The following CLCN5 variants were observed in gnomAD, a reference collection of about 807,000 sequenced individuals.
The protein encoded by CLCN5 is H(+)/Cl(-) exchange transporter 5.
A neutral mutation model predicts 54.0 loss-of-function variants in CLCN5; 17 were observed. The ratio of observed to expected loss-of-function variants is 0.31; its 90% CI spans 0.22 to 0.47. CLCN5 has a LOEUF of 0.47. Among genes scored for constraint, CLCN5 ranks in the 20% least tolerant of loss-of-function variants. The pLI is 1.00. For synonymous variants in CLCN5, 222 were observed against 233.0 expected (o/e 0.95, Z 0.43); for missense variants, 448 against 646.7 (o/e 0.69, Z 3.33).
intron 3 of CLCN5, among the ~76,000 whole-genome samples, chrX:50,009,234 G>A (rs190696903): frequency 8.9e-6 from 1 of 111,898 alleles, no homozygotes; most frequent in African/African-American, 3.2e-5. Context: ...ACCTCTTTGA[G>A]AGCATGAGCT....
intron 3 of CLCN5, among the ~76,000 whole-genome samples, chrX:49,988,932 G>C (rs1929114109): frequency 1.8e-5 from 2 of 110,667 alleles, no homozygotes; most frequent in Admixed American, 1.9e-4. Flanking sequence ...GTCCTAGCTT[G>C]GAATGCCCTG....
chrX:50,056,352 G>T (rs1046426394), intron 4 of CLCN5, among the ~76,000 whole-genome samples: 1 of 111,196 alleles, frequency 9.0e-6, no homozygotes, highest in African/African-American at 3.3e-5. Flanking sequence ...GCATTTTAGG[G>T]CAGTGTCTCC....
intron 3 of CLCN5, among the ~76,000 whole-genome samples, chrX:50,025,993 C>A: frequency 8.9e-6 from 1 of 111,828 alleles, no homozygotes; most frequent in East Asian, 2.8e-4. Flanking sequence ...ATAGATCTTT[C>A]TTCTTTATTA....
Position 50,095,893 on chromosome X carries a change from G to A in CLCN5, c.*3674G>A, listed in dbSNP as rs1196782052. On this transcript the variant is annotated 3_prime_UTR_variant, in exon 15 of 15. Coordinates refer to ENST00000376091, the MANE Select transcript of CLCN5 (RefSeq NM_001127898.4). Reference sequence around the variant, plus strand: ...TATTGTTTATTTTGTTAGGTGATAAGTAGGAAGATGCACTTGTTATCCCAC... The same window carrying A: ...TATTGTTTATTTTGTTAGGTGATAAATAGGAAGATGCACTTGTTATCCCAC... The A allele has an allele frequency of 8.9e-6, 1 of 112,740 alleles. No homozygotes were observed. The highest frequency in any genetic ancestry group is 1.9e-5 in the Non-Finnish European group (1 of 53,376). The allele number at this position is 112,740 out of a possible 1,213,427, so 9.3% of individuals were successfully genotyped here.
At chrX:50,017,233 A>G (rs1003708973) in intron 3 of CLCN5, among the ~76,000 whole-genome samples, 38 of 112,087 alleles carry the variant, frequency 3.4e-4, no homozygotes, top group African/African-American at 1.2e-3. Context: ...GTACCATTTT[A>G]CATTTCCATC....
chrX:50,047,243 C>T (rs1352281249), intron 4 of CLCN5, among the ~76,000 whole-genome samples: 1 of 111,919 alleles, frequency 8.9e-6, no homozygotes, highest in Admixed American at 9.5e-5. Context: ...CTCAAGCTAT[C>T]TGACTAGAGC....
chrX:49,995,162 G>A (rs782630767), intron 3 of CLCN5, among the ~76,000 whole-genome samples: 1 of 111,710 alleles, frequency 9.0e-6, no homozygotes, highest in Non-Finnish European at 1.9e-5. Context: ...CCTTAGGTGG[G>A]TGGTTGGGCA....
chrX:50,014,005 G>C lies in CLCN5; in HGVS notation c.17-28311G>C, dbSNP rs181743678. Among the ~76,000 whole-genome samples the C allele has an allele frequency of 4.6e-3, 511 of 112,143 alleles. 5 individuals carry two copies. The highest frequency in any genetic ancestry group is 0.015 in the African/African-American group (473 of 30,889). On this transcript the variant is annotated intron_variant, in intron 3 of 14. Transcript: ENST00000376091. ...CCTTACTGTCTAGCAGGCTCATGGA[G>C]AATAAGCATCCTCATGTCATCCAAC...
intron 3 of CLCN5, among the ~76,000 whole-genome samples, chrX:50,030,486 A>G (rs2147452596): frequency 8.9e-6 from 1 of 111,751 alleles, no homozygotes; most frequent in South Asian, 3.8e-4. Flanking sequence ...CATTCATGTA[A>G]TCCAAACTGG....
chrX:50,002,257 T>C (rs782553792), intron 3 of CLCN5, among the ~76,000 whole-genome samples: 14 of 110,999 alleles, frequency 1.3e-4, no homozygotes, highest in African/African-American at 4.3e-4. Context: ...GTACTGGACA[T>C]CTGCCCCGAA....
intron 3 of CLCN5, among the ~76,000 whole-genome samples, chrX:50,033,664 A>G (rs1160601278): frequency 2.7e-5 from 3 of 111,659 alleles, no homozygotes; most frequent in Non-Finnish European, 5.6e-5. Context: ...ATTGGAAAAA[A>G]CTACTTTAAA....
intron 3 of CLCN5, among the ~76,000 whole-genome samples, chrX:50,032,547 G>A (rs1206026619): frequency 3.7e-5 from 4 of 107,517 alleles, no homozygotes; most frequent in Admixed American, 1.9e-4. Context: ...CATGTCCTTT[G>A]CCCACTTTTT....
chrX:49,986,366 A>T (rs1845501493), intron 3 of CLCN5, among the ~76,000 whole-genome samples: 1 of 111,694 alleles, frequency 9.0e-6, no homozygotes, highest in African/African-American at 3.2e-5. Context: ...GGTGTATTTA[A>T]TTTCAAAGGC....
chrX:49,936,934 A>T (rs1230355290), intron 3 of CLCN5, among the ~76,000 whole-genome samples: 1 of 111,463 alleles, frequency 9.0e-6, no homozygotes, highest in African/African-American at 3.3e-5. Context: ...TTTCATTTAA[A>T]AGAGTAAAGT....
Position 50,092,172 on chromosome X carries a change from A to G in CLCN5, c.2404A>G (p.Ile802Val), listed in dbSNP as rs1557194896. 9 of 1,205,794 alleles carry G rather than the reference A, an allele frequency of 7.5e-6. No individual in the cohort carries two copies. The highest frequency in any genetic ancestry group is 9.0e-6 in the Non-Finnish European group (8 of 889,868). ...IITKKDVLKHIAQMANQDPDS... is the reference protein window; with the variant it reads ...IITKKDVLKHVAQMANQDPDS... ...TACCAAAAAGGATGTGTTAAAGCAT[A>G]TAGCACAGATGGCGAACCAAGATCC... Residue 802 changes from isoleucine to valine, a missense_variant, in exon 15 of 15, where the codon ATA becomes GTA. Ile to Val is a conservative substitution (Grantham distance 29). Coordinates refer to ENST00000376091, the MANE Select transcript of CLCN5 (RefSeq NM_001127898.4).
chrX:50,063,957 C>T (rs1463063181), intron 4 of CLCN5, among the ~76,000 whole-genome samples: 1 of 109,287 alleles, frequency 9.2e-6, no homozygotes, highest in Non-Finnish European at 1.9e-5. Flanking sequence ...CAAAATTCAA[C>T]AACCCTTCAT....
intron 3 of CLCN5, among the ~76,000 whole-genome samples, chrX:50,032,992 G>C (rs374877986): frequency 4.5e-5 from 5 of 111,203 alleles, no homozygotes; most frequent in African/African-American, 1.6e-4. Flanking sequence ...TTTCCCCATT[G>C]CTTGTTTTTG....
At chrX:49,972,469 A>G (rs1274204498) in intron 3 of CLCN5, among the ~76,000 whole-genome samples, 1 of 111,917 alleles carries the variant, frequency 8.9e-6, no homozygotes, top group Non-Finnish European at 1.9e-5. Flanking sequence ...ATAAAAAGTT[A>G]TGAAGCAACC....
At chrX:49,994,762 T>C (rs1929428415) in intron 3 of CLCN5, among the ~76,000 whole-genome samples, 1 of 111,899 alleles carries the variant, frequency 8.9e-6, no homozygotes, top group African/African-American at 3.2e-5. Context: ...TAGAAGTTTA[T>C]GCATATTCTC....
Sources: gnomAD v4.1 joint callset for allele counts (sites outside exome capture counted in the v4.1 genomes callset) on GRCh38, gnomAD v4.1.1 for gene constraint, MANE v1.5 for transcripts, NCBI Gene and HGNC (gene_info 2026-07-23, HGNC 2026-07-21) for gene names.